The following KAZN variants were observed in gnomAD, a reference collection of about 807,000 sequenced individuals.
KAZN encodes the protein kazrin, periplakin interacting protein, also known as kazrin.
In KAZN, 40 loss-of-function variants were observed where a neutral mutation model predicts 87.4. The observed-to-expected ratio is 0.46, with a 90% CI of 0.36 to 0.60. The LOEUF (loss-of-function observed/expected upper bound fraction) is 0.60, where lower values mean the gene tolerates loss of function less well. Among genes scored for constraint, KAZN ranks in the 20% least tolerant of loss-of-function variants. The pLI is 0.00. For synonymous variants in KAZN, 466 were observed against 458.3 expected (o/e 1.02, Z -0.22); for missense variants, 898 against 1,073.9 (o/e 0.84, Z 2.29).
At chr1:14,449,754 T>G (rs1244108202) in intron 2 of KAZN, among the ~76,000 whole-genome samples, 1 of 152,144 alleles carries the variant, frequency 6.6e-6, no homozygotes, top group Non-Finnish European at 1.5e-5. Flanking sequence ...ACAATGAATG[T>G]TTTCAAGATC....
At chr1:14,505,841 G>A (rs773763459) in intron 2 of KAZN, among the ~76,000 whole-genome samples, 1 of 152,098 alleles carries the variant, frequency 6.6e-6, no homozygotes, top group Non-Finnish European at 1.5e-5. Context: ...AGGCGTGGCG[G>A]CATGATCCTG....
intron 1 of KAZN, among the ~76,000 whole-genome samples, chr1:14,855,178 A>G (rs1649941927): frequency 1.3e-5 from 2 of 152,198 alleles, no homozygotes; most frequent in Admixed American, 1.3e-4. Context: ...AACCTGCTAA[A>G]CTGATTAGGA....
chr1:14,792,274 T>A (rs1645696637), intron 1 of KAZN, among the ~76,000 whole-genome samples: 1 of 152,202 alleles, frequency 6.6e-6, no homozygotes, highest in African/African-American at 2.4e-5. Flanking sequence ...GTCACCTGTG[T>A]GCAGGGAGGC....
intron 1 of KAZN, among the ~76,000 whole-genome samples, chr1:14,915,258 TAAC>T (rs1657684813): frequency 6.6e-6 from 1 of 152,226 alleles, no homozygotes; most frequent in South Asian, 2.1e-4. Flanking sequence ...TAATAGCTCT[TAAC>T]AATCATGATT....
At chr1:14,841,455 A>C (rs1648002697) in intron 1 of KAZN, among the ~76,000 whole-genome samples, 1 of 149,730 alleles carries the variant, frequency 6.7e-6, no homozygotes, top group Non-Finnish European at 1.5e-5. Context: ...ATGGAGCCAT[A>C]AGCATGCTGT....
intron 2 of KAZN, among the ~76,000 whole-genome samples, chr1:14,211,858 T>C (rs1164267252): frequency 6.6e-6 from 1 of 152,142 alleles, no homozygotes; most frequent in Non-Finnish European, 1.5e-5. Context: ...TTGGTTTTAT[T>C]GTTTTAAACT....
At chr1:14,046,076 A>G (rs1300219303) in intron 1 of KAZN, among the ~76,000 whole-genome samples, 1 of 152,208 alleles carries the variant, frequency 6.6e-6, no homozygotes, top group Non-Finnish European at 1.5e-5. Flanking sequence ...AAATTCTCCA[A>G]AAAATTACCT....
intron 1 of KAZN, among the ~76,000 whole-genome samples, chr1:14,944,066 T>C (rs1357797826): frequency 6.6e-6 from 1 of 151,844 alleles, no homozygotes; most frequent in Non-Finnish European, 1.5e-5. Flanking sequence ...AGAAAGAGAC[T>C]CTGTCTCAAA....
intron 2 of KAZN, among the ~76,000 whole-genome samples, chr1:14,538,571 A>C (rs1482689111): frequency 6.6e-6 from 1 of 152,174 alleles, no homozygotes; most frequent in Admixed American, 6.5e-5. Flanking sequence ...TAAAAGCCTT[A>C]ATCCCAACCA....
chr1:15,092,113 G>T (rs138484442), intron 8 of KAZN, among the ~76,000 whole-genome samples: 930 of 78,462 alleles, frequency 0.012, 12 homozygotes, highest in African/African-American at 0.046. Flanking sequence ...TTTCACTCTT[G>T]TTGGCCAGGC....
At position 13,925,087 on chromosome 1, in the gene KAZN, A is replaced by C. The variant is rs12074060; in HGVS notation, c.91+31331A>C. Among the ~76,000 whole-genome samples the C allele has an allele frequency of 8.9e-3, 1,351 of 152,174 alleles. 20 individuals are homozygous for C. The highest frequency in any genetic ancestry group is 0.03 in the African/African-American group (1,252 of 41,530). ...GGTCTCACCCACTCCATATCCCCAG[A>C]TTCCTTCCACCCCGGGCGACCACTC... On this transcript the variant is annotated intron_variant, in intron 1 of 16. Coordinates refer to the KAZN transcript ENST00000636203.
Position 14,177,988 on chromosome 1 carries a change from C to A in KAZN, c.92-2447C>A, listed in dbSNP as rs147801992. On this transcript the variant is annotated intron_variant, in intron 1 of 16. Coordinates refer to the KAZN transcript ENST00000636203. ...TCTTGAATTGTAGTTTCCATAATCT[C>A]CACGTGTCATAGGAGGGACTCTGTG... is the stretch of plus-strand genomic sequence containing the variant. Among the ~76,000 whole-genome samples, 211 of 152,144 alleles carry A rather than the reference C, an allele frequency of 1.4e-3. 1 individual carries two copies. The highest frequency in any genetic ancestry group is 4.8e-3 in the African/African-American group (200 of 41,506).
chr1:14,850,708 G>A (rs1188126341), intron 1 of KAZN, among the ~76,000 whole-genome samples: 1 of 152,200 alleles, frequency 6.6e-6, no homozygotes, highest in Non-Finnish European at 1.5e-5. Flanking sequence ...AGCAGAACGT[G>A]TTTGAATGAG....
intron 1 of KAZN, among the ~76,000 whole-genome samples, chr1:14,849,424 G>C (rs1221757838): frequency 6.6e-6 from 1 of 152,124 alleles, no homozygotes; most frequent in Non-Finnish European, 1.5e-5. Flanking sequence ...GCTCTGCACT[G>C]AGCACATTAA....
intron 2 of KAZN, among the ~76,000 whole-genome samples, chr1:14,210,588 T>A (rs1646834186): frequency 6.6e-6 from 1 of 152,192 alleles, no homozygotes; most frequent in African/African-American, 2.4e-5. Flanking sequence ...TGGTTAGAAC[T>A]AACCCCATTG....
chr1:14,259,327 C>T (rs867821814), intron 2 of KAZN, among the ~76,000 whole-genome samples: 37 of 152,276 alleles, frequency 2.4e-4, no homozygotes, highest in African/African-American at 8.7e-4. Context: ...TATTGTGCTC[C>T]TTTCCCTTCC....
chr1:14,410,735 G>A (rs957274334), intron 2 of KAZN, among the ~76,000 whole-genome samples: 1 of 152,238 alleles, frequency 6.6e-6, no homozygotes, highest in Non-Finnish European at 1.5e-5. Flanking sequence ...CAATGTGAAA[G>A]AGAACCCTGG....
At chr1:15,042,573 G>A (rs879540469) in intron 3 of KAZN, among the ~76,000 whole-genome samples, 5 of 152,078 alleles carry the variant, frequency 3.3e-5, no homozygotes, top group East Asian at 1.9e-4. Context: ...CCACACAAAC[G>A]CCCCAAAGTA....
At chr1:14,528,009 AT>A (rs1671985917) in intron 2 of KAZN, among the ~76,000 whole-genome samples, 1 of 140,812 alleles carries the variant, frequency 7.1e-6, no homozygotes, top group Non-Finnish European at 1.6e-5. Context: ...CTATCTATCT[AT>A]CTATCTATCT....
Sources: allele counts gnomAD v4.1 joint callset (sites outside exome capture counted in the v4.1 genomes callset), GRCh38; gene constraint gnomAD v4.1.1; transcripts MANE v1.5; gene names NCBI Gene and HGNC (gene_info 2026-07-23, HGNC 2026-07-21).